The following HNMT variants were observed in gnomAD, a reference collection of about 807,000 sequenced individuals.
HNMT encodes the protein histamine N-methyltransferase.
HNMT carries 30 observed loss-of-function variants against 32.1 expected under a neutral mutation model. The ratio of observed to expected loss-of-function variants is 0.93; its 90% CI spans 0.70 to 1.27. HNMT has a LOEUF of 1.27. Among genes scored for constraint, HNMT ranks in the 50% most tolerant of loss-of-function variants. The pLI, the probability that HNMT is intolerant of heterozygous loss-of-function variation, is 0.00. For missense variants in HNMT, 327 were observed against 346.0 expected, an observed-to-expected ratio of 0.95 and a Z score of 0.43; for synonymous variants, 125 against 119.0, an observed-to-expected ratio of 1.05 and a Z score of -0.33.
At chr2:137,973,103 T>C (rs1680183535) in intron 2 of HNMT, among the ~76,000 whole-genome samples, 1 of 152,110 alleles carries the variant, frequency 6.6e-6, no homozygotes, top group Admixed American at 6.5e-5. Flanking sequence ...CAATCAGAAA[T>C]GTAAGAAAAA....
In HNMT at chr2:138,002,053, C is replaced by T. The variant is rs369015490; in HGVS notation, c.299-11C>T. On this transcript the variant is annotated splice_polypyrimidine_tract_variant and intron_variant, in intron 3 of 5. Coordinates refer to ENST00000280097, the MANE Select transcript of HNMT (RefSeq NM_006895.3). ...AAATTGATGGTGTGTCACCTCTTCT[C>T]TGTATTTTAGAGCTTGTAGCCAAGA... 12 of 1,532,276 alleles carry T rather than the reference C, an allele frequency of 7.8e-6. No individual in the cohort carries two copies. In the South Asian group the frequency reaches 1.2e-4, roughly 15 times the overall value. 94.9% of individuals were successfully genotyped at this position (1,532,276 alleles called of 1,614,324 possible). A position where few individuals can be genotyped will look rare whatever the true frequency, so the allele number is the denominator to read the frequency against.
intron 2 of HNMT, among the ~76,000 whole-genome samples, chr2:137,980,149 C>T (rs960261275): frequency 3.9e-5 from 6 of 151,992 alleles, no homozygotes; most frequent in Non-Finnish European, 7.4e-5. Flanking sequence ...CATTCTCCTG[C>T]CTCGCCCTCC....
At chr2:138,005,930 A>G (rs1023886989) in intron 5 of HNMT, among the ~76,000 whole-genome samples, 10 of 90,048 alleles carry the variant, frequency 1.1e-4, no homozygotes, top group Admixed American at 5.2e-4. Context: ...GATTTTAGAT[A>G]CACAGCAGAC....
chr2:137,966,520 G>C (rs1040596744), intron 1 of HNMT, among the ~76,000 whole-genome samples: 8 of 152,018 alleles, frequency 5.3e-5, no homozygotes, highest in African/African-American at 1.7e-4. Context: ...ATGTTATTTT[G>C]CCTATGTACA....
chr2:138,001,582 G>GT (rs1262110167), intron 3 of HNMT, among the ~76,000 whole-genome samples: 3 of 152,088 alleles, frequency 2.0e-5, no homozygotes, highest in East Asian at 3.9e-4. Flanking sequence ...TCCTTCTTTT[G>GT]TTTTTTTAAA....
intron 1 of HNMT, chr2:137,967,446 C>A (rs752390334): frequency 1.6e-5 from 4 of 245,166 alleles, no homozygotes; most frequent in Non-Finnish European, 2.3e-5. Context: ...AAATTCTCAT[C>A]CTTGGCATGT....
rs201093307 is a variant in HNMT, at chr2:138,000,374, G to GT, written c.191-544_191-543insT. On this transcript the variant is annotated intron_variant, in intron 2 of 5. Coordinates refer to ENST00000280097, the MANE Select transcript of HNMT (RefSeq NM_006895.3). ...GAGCCAGGGCTATTTCTGTGTCTGT[G>GT]AACAGGTAATAGTGTTTATGAGGGC... Among the ~76,000 whole-genome samples, 1,519 of 152,156 alleles carry GT rather than the reference G, an allele frequency of 1.0e-2. 30 individuals are homozygous for GT. Among genetic ancestry groups the GT allele is most frequent in the African/African-American group, 0.035 (1,465 of 41,506 alleles).
chr2:137,967,658 A>C (rs1380429630), intron 1 of HNMT: 3 of 152,094 alleles, frequency 2.0e-5, no homozygotes, highest in African/African-American at 7.2e-5. Flanking sequence ...ATTCTTCACC[A>C]CTGTTTTCTT....
chr2:137,977,800 C>A (rs563827199), intron 2 of HNMT, among the ~76,000 whole-genome samples: 132 of 151,852 alleles, frequency 8.7e-4, no homozygotes, highest in African/African-American at 3.0e-3. Flanking sequence ...CTAATATGCC[C>A]TGGCCTGGCC....
At chr2:137,981,258 C>T (rs1235647611) in intron 2 of HNMT, 14 of 1,613,324 alleles carry the variant, frequency 8.7e-6, no homozygotes, top group Non-Finnish European at 1.1e-5. Flanking sequence ...AAGCGGAATT[C>T]GTGTTTCATT....
At chr2:137,975,045 G>A (rs1205552285) in intron 2 of HNMT, among the ~76,000 whole-genome samples, 1 of 152,114 alleles carries the variant, frequency 6.6e-6, no homozygotes, top group Admixed American at 6.6e-5. Context: ...CAGATCTCTT[G>A]ACTTTAGTCC....
chr2:137,996,609 T>C (rs564129527), intron 2 of HNMT, among the ~76,000 whole-genome samples: 64 of 152,334 alleles, frequency 4.2e-4, no homozygotes, highest in Non-Finnish European at 8.1e-4. Flanking sequence ...AATTGATTTA[T>C]AGATTCAATG....
At chr2:138,008,296 A>C (rs1432464880) in intron 5 of HNMT, among the ~76,000 whole-genome samples, 1 of 151,896 alleles carries the variant, frequency 6.6e-6, no homozygotes, top group Non-Finnish European at 1.5e-5. Context: ...GGCTCCATCC[A>C]TGTCCCCAGA....
In HNMT at chr2:138,014,194, C is replaced by T; in HGVS notation, c.*64C>T. 9.4e-7 allele frequency: 1 copy of T among 1,067,070 alleles called. No homozygotes were observed. Among genetic ancestry groups the T allele is most frequent in the Non-Finnish European group, 1.4e-6 (1 of 737,836 alleles). The allele number at this position is 1,067,070 out of a possible 1,614,324, so 66.1% of individuals were successfully genotyped here. A position where few individuals can be genotyped will look rare whatever the true frequency, so the allele number is the denominator to read the frequency against. ...AACAACTCGAATCACTCATTTATTT[C>T]CATATTAAAATCACAAACTCATCCA... On this transcript the variant is annotated 3_prime_UTR_variant, in exon 6 of 6. Coordinates refer to ENST00000280097, the MANE Select transcript of HNMT (RefSeq NM_006895.3).
chr2:138,003,319 G>T (rs1681238646), intron 4 of HNMT, among the ~76,000 whole-genome samples: 1 of 152,092 alleles, frequency 6.6e-6, no homozygotes, highest in Non-Finnish European at 1.5e-5. Flanking sequence ...TTTCTGAATA[G>T]CATAAGGGAT....
chr2:137,998,909 C>G (rs1681076337), intron 2 of HNMT, among the ~76,000 whole-genome samples: 1 of 152,230 alleles, frequency 6.6e-6, no homozygotes, highest in East Asian at 1.9e-4. Context: ...AAATTTTGGT[C>G]TCTAGTCTTT....
rs573590363 is a variant in HNMT, at chr2:137,986,797, CTT to C, written c.191-14120_191-14119del. 5.3e-5 allele frequency among the ~76,000 whole-genome samples: 8 copies of C among 152,058 alleles called. No individual in the cohort carries two copies. The South Asian group carries it at 1.5e-3, about 28-fold the overall frequency. On this transcript the variant is annotated intron_variant, in intron 2 of 5. Transcript: ENST00000280097. ...ATAATTCTATCGCCATTAGATAACT[CTT>C]GATTTGAATTTGGTGCATATCTTTC...
At chr2:137,995,921 A>G (rs916093625) in intron 2 of HNMT, among the ~76,000 whole-genome samples, 1 of 152,210 alleles carries the variant, frequency 6.6e-6, no homozygotes, top group Non-Finnish European at 1.5e-5. Flanking sequence ...CAAAAACCAC[A>G]TTATTATCTC....
chr2:137,985,400 T>C (rs190615826), intron 2 of HNMT, among the ~76,000 whole-genome samples: 2 of 152,344 alleles, frequency 1.3e-5, no homozygotes, highest in East Asian at 1.9e-4. Context: ...GAGCTTTTGT[T>C]AGGGATTTCC....
Sources: allele counts gnomAD v4.1 joint callset (sites outside exome capture counted in the v4.1 genomes callset), GRCh38; gene constraint gnomAD v4.1.1; transcripts MANE v1.5; gene names NCBI Gene and HGNC (gene_info 2026-07-23, HGNC 2026-07-21).